Variants in LRFN5 observed in about 807,000 individuals in gnomAD.
LRFN5 encodes the protein leucine-rich repeat and fibronectin type-III domain-containing protein 5.
LRFN5 carries 24 observed loss-of-function variants against 45.6 expected under a neutral mutation model. The ratio of observed to expected loss-of-function variants is 0.53; its 90% CI spans 0.38 to 0.74. The LOEUF is 0.74. Ranked by LOEUF, LRFN5 falls within the 30% of genes least tolerant of loss-of-function variation. LRFN5 has a pLI of 0.00. For missense variants in LRFN5, 776 were observed against 861.5 expected (o/e 0.90, Z 1.24); for synonymous variants, 340 against 313.8 (o/e 1.08, Z -0.88).
At chr14:41,770,645 C>G (rs1401899506) in intron 2 of LRFN5, among the ~76,000 whole-genome samples, 1 of 152,188 alleles carries the variant, frequency 6.6e-6, no homozygotes, top group Non-Finnish European at 1.5e-5. Context: ...GGATGGGCCC[C>G]CAAGGACTTG....
At chr14:41,634,999 T>C (rs1879229659) in intron 1 of LRFN5, among the ~76,000 whole-genome samples, 1 of 152,138 alleles carries the variant, frequency 6.6e-6, no homozygotes, top group African/African-American at 2.4e-5. Flanking sequence ...TTTAAAATTT[T>C]CTAACTATAG....
chr14:41,802,844 A>C (rs1887385878), intron 2 of LRFN5, among the ~76,000 whole-genome samples: 1 of 152,192 alleles, frequency 6.6e-6, no homozygotes, highest in African/African-American at 2.4e-5. Flanking sequence ...AAGAAGGTTG[A>C]AGAATTACTT....
intron 1 of LRFN5, among the ~76,000 whole-genome samples, chr14:41,667,643 T>A (rs1243053435): frequency 6.6e-6 from 1 of 152,164 alleles, no homozygotes; most frequent in East Asian, 1.9e-4. Flanking sequence ...TAAACATTCC[T>A]TTTTCCCTAG....
chr14:41,845,012 A>C (rs1466689311), intron 2 of LRFN5, among the ~76,000 whole-genome samples: 3 of 152,168 alleles, frequency 2.0e-5, no homozygotes, highest in Non-Finnish European at 2.9e-5. Context: ...ATATAGAAAC[A>C]TGATCGTATT....
chr14:41,837,038 A>G (rs1888685452), intron 2 of LRFN5, among the ~76,000 whole-genome samples: 1 of 151,896 alleles, frequency 6.6e-6, no homozygotes, highest in South Asian at 2.1e-4. Context: ...TCCTCCCCAC[A>G]CAGGAAGATT....
chr14:41,693,897 G>C (rs1280638100), intron 1 of LRFN5, among the ~76,000 whole-genome samples: 1 of 151,942 alleles, frequency 6.6e-6, no homozygotes, highest in Admixed American at 6.6e-5. Flanking sequence ...AGCCCTTTAT[G>C]AGTTGCAGAC....
chr14:41,843,543 G>A (rs1445724678), intron 2 of LRFN5, among the ~76,000 whole-genome samples: 3 of 151,698 alleles, frequency 2.0e-5, no homozygotes, highest in African/African-American at 7.3e-5. Context: ...TAAAAACTTT[G>A]TAGAAGCTTC....
chr14:41,704,444 C>CTGTGTGTGTGTG (rs1406046125), intron 1 of LRFN5, among the ~76,000 whole-genome samples: 10 of 127,938 alleles, frequency 7.8e-5, no homozygotes, highest in South Asian at 2.5e-4. Flanking sequence ...CTCTCTCTCT[C>CTGTGTGTGTGTG]TCTCTGTGTG....
intron 1 of LRFN5, among the ~76,000 whole-genome samples, chr14:41,641,063 A>T (rs1464417882): frequency 6.6e-6 from 1 of 151,756 alleles, no homozygotes; most frequent in Non-Finnish European, 1.5e-5. Flanking sequence ...GACAAAGAAT[A>T]AAAAAAAATT....
intron 1 of LRFN5, among the ~76,000 whole-genome samples, chr14:41,749,723 T>C (rs937172116): frequency 1.3e-5 from 2 of 152,090 alleles, no homozygotes; most frequent in African/African-American, 4.8e-5. Context: ...GCTTAATACC[T>C]GGGTGATGAA....
chr14:41,705,368 T>C (rs1470214733), intron 1 of LRFN5, among the ~76,000 whole-genome samples: 1 of 152,124 alleles, frequency 6.6e-6, no homozygotes, highest in African/African-American at 2.4e-5. Context: ...CTAAGGTAAT[T>C]TTTGAATTGT....
intron 2 of LRFN5, among the ~76,000 whole-genome samples, chr14:41,861,642 T>C (rs1889665620): frequency 6.6e-6 from 1 of 152,076 alleles, no homozygotes; most frequent in African/African-American, 2.4e-5. Context: ...GCTTGCATAG[T>C]AGTAGTGATC....
intron 1 of LRFN5, among the ~76,000 whole-genome samples, chr14:41,609,388 T>G (rs1405794277): frequency 6.6e-6 from 1 of 151,998 alleles, no homozygotes; most frequent in African/African-American, 2.4e-5. Context: ...TTTTTTCCGG[T>G]GCCTTGATTT....
rs531158553 is a variant in LRFN5 at position 41,794,396 on chromosome 14, A to C, written c.-21+27367A>C. On this transcript the variant is annotated intron_variant, in intron 2 of 5. Transcript: ENST00000298119. ...TACTGTATTTTAAAAATTAAGTTCA[A>C]ATATTACCTCCTGTAAGACTTTTCT... Among the ~76,000 whole-genome samples the C allele has an allele frequency of 1.3e-4, 20 of 152,200 alleles. 2 individuals are homozygous for C. The South Asian group carries it at 3.9e-3, about 30-fold the overall frequency.
chr14:41,704,760 C>T (rs1469798427), intron 1 of LRFN5, among the ~76,000 whole-genome samples: 2 of 151,886 alleles, frequency 1.3e-5, no homozygotes, highest in Non-Finnish European at 2.9e-5. Flanking sequence ...TTCCTATTAT[C>T]GTTCCTTAGT....
intron 2 of LRFN5, among the ~76,000 whole-genome samples, chr14:41,780,209 A>T (rs1886433391): frequency 6.6e-6 from 1 of 151,970 alleles, no homozygotes; most frequent in South Asian, 2.1e-4. Flanking sequence ...ATTTCTTATT[A>T]TCCAAATGTT....
intron 2 of LRFN5, among the ~76,000 whole-genome samples, chr14:41,860,269 A>G (rs1889614979): frequency 6.6e-6 from 1 of 152,214 alleles, no homozygotes; most frequent in Admixed American, 6.5e-5. Context: ...AATAAACAAG[A>G]AGAAAATGTT....
At chr14:41,902,337 T>C (rs1328380809) in intron 5 of LRFN5, among the ~76,000 whole-genome samples, 1 of 151,908 alleles carries the variant, frequency 6.6e-6, no homozygotes, top group South Asian at 2.1e-4. Context: ...ATTATTTGTA[T>C]TGTTTGATAC....
chr14:41,703,945 C>G (rs571915468), intron 1 of LRFN5, among the ~76,000 whole-genome samples: 3 of 151,980 alleles, frequency 2.0e-5, no homozygotes, highest in Non-Finnish European at 4.4e-5. Flanking sequence ...AGAAAATCTT[C>G]AAAATTCTGT....
Sources: gnomAD v4.1 joint callset for allele counts (sites outside exome capture counted in the v4.1 genomes callset) on GRCh38, gnomAD v4.1.1 for gene constraint, MANE v1.5 for transcripts, NCBI Gene and HGNC (gene_info 2026-07-23, HGNC 2026-07-21) for gene names.